NBAS: variants seen among roughly 807,000 people sequenced by gnomAD.
The protein encoded by NBAS is NAG/BC035112 fusion.
NBAS carries 219 observed loss-of-function variants against 302.5 expected under a neutral mutation model. The observed-to-expected ratio is 0.72, with a 90% CI of 0.65 to 0.81. The LOEUF (loss-of-function observed/expected upper bound fraction) is 0.81, where lower values mean the gene tolerates loss of function less well. NBAS is among the 30% of genes least tolerant of loss of function. The pLI is 0.00. For synonymous variants in NBAS, 1,118 were observed against 1,021.6 expected (o/e 1.09, Z -1.80); for missense variants, 2,932 against 2,841.6 (o/e 1.03, Z -0.72).
chr2:15,197,889 T>A (rs2125156127), intron 48 of NBAS, among the ~76,000 whole-genome samples: 1 of 152,338 alleles, frequency 6.6e-6, no homozygotes, highest in Middle Eastern at 3.4e-3. Flanking sequence ...GCTCTCCATG[T>A]TCCCTTTTAG....
chr2:15,366,423 A>T (rs1287007301), intron 32 of NBAS, among the ~76,000 whole-genome samples, 157 bp downstream of exon 32: 1 of 152,162 alleles, frequency 6.6e-6, no homozygotes, highest in East Asian at 1.9e-4. Flanking sequence ...AGGCAGGAAG[A>T]TTTCACTGCA....
chr2:15,330,594 T>C lies in NBAS; in HGVS notation c.4347+4A>G, dbSNP rs760779335. 6.2e-7 allele frequency: 1 copy of C among 1,613,706 alleles called. No homozygotes were observed. The highest frequency in any genetic ancestry group is 1.1e-5 in the South Asian group (1 of 91,044). Reference sequence around the variant, plus strand: ...GATTTTAAAAAGAAAGATGCACTGCTTACCTGAAGGGGTCGAAGGTAAGTT... The same window carrying C: ...GATTTTAAAAAGAAAGATGCACTGCCTACCTGAAGGGGTCGAAGGTAAGTT... On this transcript the variant is annotated splice_donor_region_variant and intron_variant, in intron 36 of 51. Transcript: ENST00000281513.
the NBAS span, among the ~76,000 whole-genome samples, chr2:15,044,181 T>A: frequency 1.3e-5 from 2 of 152,210 alleles, no homozygotes; most frequent in Admixed American, 1.3e-4. Flanking sequence ...CAGTTGTGCT[T>A]CCAATTACTT....
At chr2:15,044,816 C>T in the NBAS span, among the ~76,000 whole-genome samples, 485 of 152,272 alleles carry the variant, frequency 3.2e-3, no homozygotes, top group African/African-American at 0.01. Context: ...ATCAATCTGG[C>T]CATTATTTTT....
chr2:15,029,663 G>C, the NBAS span, among the ~76,000 whole-genome samples: 1 of 152,224 alleles, frequency 6.6e-6, no homozygotes, highest in Non-Finnish European at 1.5e-5. Context: ...GTGTTCTTGT[G>C]TGTTCTAGTA....
intron 40 of NBAS, among the ~76,000 whole-genome samples, chr2:15,298,684 C>T (rs568392521): frequency 9.2e-5 from 14 of 152,294 alleles, no homozygotes; most frequent in African/African-American, 3.4e-4. Flanking sequence ...ATCACTACTT[C>T]TCCCAAAATA....
intron 16 of NBAS, among the ~76,000 whole-genome samples, chr2:15,470,886 G>C (rs1218716528): frequency 6.6e-6 from 1 of 152,074 alleles, no homozygotes; most frequent in East Asian, 1.9e-4. Context: ...ACTTGAACCA[G>C]GGAGGCAGAA....
chr2:15,280,862 T>A (rs763615984), intron 42 of NBAS, among the ~76,000 whole-genome samples: 10 of 152,184 alleles, frequency 6.6e-5, no homozygotes, highest in Non-Finnish European at 1.3e-4. Context: ...AGGAAGTCAA[T>A]CCAACATCTT....
At chr2:15,516,427 A>C (rs920361528) in intron 9 of NBAS, among the ~76,000 whole-genome samples, 8 of 152,112 alleles carry the variant, frequency 5.3e-5, no homozygotes, top group African/African-American at 1.9e-4. Flanking sequence ...ACCATATTAA[A>C]ATTTAAAATT....
chr2:14,928,662 GT>G, the NBAS span, among the ~76,000 whole-genome samples: 23 of 143,288 alleles, frequency 1.6e-4, no homozygotes, highest in South Asian at 4.5e-4. Flanking sequence ...GTTGGGTTTT[GT>G]TTTTTTTTTT....
chr2:15,476,563 A>G (rs1285307479), intron 13 of NBAS, among the ~76,000 whole-genome samples: 1 of 152,062 alleles, frequency 6.6e-6, no homozygotes, highest in Non-Finnish European at 1.5e-5. Flanking sequence ...TCTATTAAAA[A>G]TACAAAAATT....
the NBAS span, among the ~76,000 whole-genome samples, chr2:14,834,658 T>C: frequency 6.6e-5 from 10 of 151,708 alleles, no homozygotes; most frequent in Non-Finnish European, 8.8e-5. Flanking sequence ...AAGACAAGGG[T>C]AGGAGGTAGG....
At chr2:14,873,873 A>G in the NBAS span, among the ~76,000 whole-genome samples, 3 of 151,968 alleles carry the variant, frequency 2.0e-5, no homozygotes, top group African/African-American at 4.8e-5. Flanking sequence ...GTATAAATCA[A>G]TGATCTAAAA....
At chr2:15,104,566 A>T in the NBAS span, among the ~76,000 whole-genome samples, 1 of 152,094 alleles carries the variant, frequency 6.6e-6, no homozygotes, top group East Asian at 1.9e-4. Flanking sequence ...GTATATACCC[A>T]ATAATGGGAT....
chr2:15,535,935 G>A (rs1663485948), intron 8 of NBAS, among the ~76,000 whole-genome samples: 1 of 152,170 alleles, frequency 6.6e-6, no homozygotes, highest in South Asian at 2.1e-4. Context: ...GATTTACTCG[G>A]AAGGGGCATG....
chr2:14,822,038 T>C, the NBAS span, among the ~76,000 whole-genome samples: 1 of 150,704 alleles, frequency 6.6e-6, no homozygotes, highest in East Asian at 2.0e-4. Flanking sequence ...GTCTCAACAA[T>C]GAAAAAAAAA....
chr2:15,353,941 ACT>A (rs1673492479), intron 33 of NBAS, among the ~76,000 whole-genome samples: 2 of 152,122 alleles, frequency 1.3e-5, no homozygotes, highest in African/African-American at 4.8e-5. Flanking sequence ...TTTCTGACAA[ACT>A]CTGTTAAATT....
chr2:15,555,357 T>C (rs947711415), intron 3 of NBAS, among the ~76,000 whole-genome samples: 1 of 151,730 alleles, frequency 6.6e-6, no homozygotes, highest in African/African-American at 2.4e-5. Flanking sequence ...AAAAATATAA[T>C]GAAGATACAA....
chr2:15,148,264 A>T, the NBAS span, among the ~76,000 whole-genome samples: 1 of 152,126 alleles, frequency 6.6e-6, no homozygotes, highest in African/African-American at 2.4e-5. Context: ...TGTGCTGAAG[A>T]CCCAAAGGGT....
Sources: gnomAD v4.1 joint callset for allele counts (sites outside exome capture counted in the v4.1 genomes callset) on GRCh38, gnomAD v4.1.1 for gene constraint, MANE v1.5 for transcripts, NCBI Gene and HGNC (gene_info 2026-07-23, HGNC 2026-07-21) for gene names.